Variants in SVIL observed in about 807,000 individuals in gnomAD.
SVIL encodes supervillin.
SVIL carries 101 observed loss-of-function variants against 240.4 expected under a neutral mutation model. The ratio of observed to expected loss-of-function variants is 0.42; its 90% CI spans 0.36 to 0.50. SVIL has a LOEUF of 0.50. Ranked by LOEUF, SVIL falls within the 20% of genes least tolerant of loss-of-function variation. The probability of loss-of-function intolerance (pLI) is 0.01; values close to 1 mark genes in which losing one functional copy is unlikely to be tolerated. For synonymous variants in SVIL, 999 were observed against 1,100.0 expected (o/e 0.91, Z 1.82); for missense variants, 2,512 against 2,818.7 (o/e 0.89, Z 2.46).
At chr10:29,565,458 T>C (rs7096391) in intron 2 of SVIL, among the ~76,000 whole-genome samples, 65,757 of 152,038 alleles carry the variant, frequency 0.43, 14,310 homozygotes, top group African/African-American at 0.47. Flanking sequence ...TTAACGTGGT[T>C]CACTTGACAT....
chr10:29,604,523 A>G (rs1187202686), intron 1 of SVIL, among the ~76,000 whole-genome samples: 2 of 150,706 alleles, frequency 1.3e-5, no homozygotes, highest in African/African-American at 2.4e-5. Context: ...GCGCCTGGCC[A>G]TATTGTTGAT....
chr10:29,697,614 G>A lies in SVIL; in HGVS notation c.-399-10963C>T. Among the ~76,000 whole-genome samples, 2 of 125,116 alleles carry A rather than the reference G, an allele frequency of 1.6e-5. 1 individual carries two copies. The allele number at this position is 125,116 out of a possible 152,430, so 82.1% of individuals were successfully genotyped here. ...GTGCTTTGTTAAACAGATGCTTGAA[G>A]GCAGCAGGCTCCTTAAGAGTCATCA... On this transcript the variant is annotated intron_variant, in intron 1 of 35. Coordinates refer to the SVIL transcript ENST00000375400.
intron 1 of SVIL, among the ~76,000 whole-genome samples, chr10:29,621,191 G>A (rs1047919060): frequency 6.6e-6 from 1 of 152,142 alleles, no homozygotes; most frequent in African/African-American, 2.4e-5. Context: ...CACTCAAATT[G>A]TAGTTGAAAA....
At chr10:29,622,988 C>G (rs565409560) in intron 1 of SVIL, among the ~76,000 whole-genome samples, 2 of 152,218 alleles carry the variant, frequency 1.3e-5, no homozygotes, top group African/African-American at 2.4e-5. Flanking sequence ...ACACAAAGAA[C>G]CTACAAAACT....
At chr10:29,529,002 C>T (rs1319470211) in intron 12 of SVIL, among the ~76,000 whole-genome samples, 5 of 151,226 alleles carry the variant, frequency 3.3e-5, no homozygotes, top group Admixed American at 3.3e-4. Flanking sequence ...ATGGTGAAAC[C>T]CCGTCTCTAC....
chr10:29,503,179 T>C (rs962014390), intron 17 of SVIL, among the ~76,000 whole-genome samples: 12 of 152,230 alleles, frequency 7.9e-5, no homozygotes, highest in Non-Finnish European at 2.9e-5. Flanking sequence ...CTACACACTA[T>C]GAAAGAAATT....
upstream of SVIL, among the ~76,000 whole-genome samples, chr10:29,736,464 G>A (rs1564375704): frequency 1.3e-5 from 2 of 151,548 alleles, no homozygotes; most frequent in Admixed American, 6.6e-5. Flanking sequence ...GGCCAGGGCC[G>A]CCCTATCGCT....
chr10:29,730,237 A>G (rs763088712), intron 1 of SVIL, among the ~76,000 whole-genome samples: 2 of 152,236 alleles, frequency 1.3e-5, no homozygotes, highest in Non-Finnish European at 2.9e-5. Context: ...GTGCAAAGAA[A>G]TGTACTAAGG....
At chr10:29,626,591 G>C (rs758978242) in intron 1 of SVIL, among the ~76,000 whole-genome samples, 1 of 151,992 alleles carries the variant, frequency 6.6e-6, no homozygotes, top group East Asian at 1.9e-4. Flanking sequence ...ACCACTTTGG[G>C]GTTTCACATC....
intron 1 of SVIL, chr10:29,575,965 A>T (rs1468406803): frequency 3.5e-6 from 1 of 284,232 alleles, no homozygotes; most frequent in African/African-American, 2.3e-5. Flanking sequence ...CAGTGCTAGG[A>T]TATGTTTTGA....
intron 1 of SVIL, among the ~76,000 whole-genome samples, chr10:29,622,908 T>C (rs1420984267): frequency 2.0e-5 from 3 of 152,178 alleles, no homozygotes; most frequent in African/African-American, 7.2e-5. Context: ...TTAGTGATGC[T>C]GAGATTGCAC....
chr10:29,578,411 G>A (rs1005975106), intron 1 of SVIL, among the ~76,000 whole-genome samples: 3 of 152,144 alleles, frequency 2.0e-5, no homozygotes, highest in Non-Finnish European at 4.4e-5. Context: ...GGCGCCTATG[G>A]CTCAAAATCA....
At chr10:29,504,130 G>T (rs1179446437) in intron 17 of SVIL, among the ~76,000 whole-genome samples, 1 of 152,084 alleles carries the variant, frequency 6.6e-6, no homozygotes, top group African/African-American at 2.4e-5. Flanking sequence ...GCTGGAATAA[G>T]TGGACACTCA....
intron 3 of SVIL, among the ~76,000 whole-genome samples, chr10:29,556,392 C>A (rs1476033574): frequency 1.3e-5 from 2 of 152,098 alleles, no homozygotes; most frequent in South Asian, 2.1e-4. Context: ...TTTCCATTTT[C>A]TTTTCTCTAA....
intron 2 of SVIL, among the ~76,000 whole-genome samples, chr10:29,680,276 C>T (rs538483003): frequency 7.1e-4 from 108 of 152,320 alleles, no homozygotes; most frequent in African/African-American, 2.5e-3. Context: ...CCACTCTCCC[C>T]GTCCCACCAG....
chr10:29,576,110 G>A lies in SVIL; in HGVS notation c.-200-6798C>T, dbSNP rs143058219. On this transcript the variant is annotated intron_variant, in intron 1 of 37. Transcript: ENST00000355867. ...ATCTGGTACCTGACTTTTCTCTCCC[G>A]AATACGTTTGGCTTCATTTTCGTTA... 713 of 985,144 alleles carry A rather than the reference G, an allele frequency of 7.2e-4. 8 individuals carry two copies. The African/African-American group carries it at 0.011, about 15-fold the overall frequency. The allele number at this position is 985,144 out of a possible 1,614,324, so 61.0% of individuals were successfully genotyped here.
intron 36 of SVIL, among the ~76,000 whole-genome samples, chr10:29,459,740 GCA>G (rs1944012923): frequency 6.6e-6 from 1 of 152,192 alleles, no homozygotes; most frequent in African/African-American, 2.4e-5. Context: ...TGGTGGGAAT[GCA>G]TGACTAAGAG....
In SVIL at chr10:29,634,885, C is replaced by T. The variant is rs190062527; in HGVS notation, c.-666G>A. ...GTCCTCGAGGCTGAACTTCCCCAAC[C>T]TGGCCTCGGTGGAGCCATCCATTAC... is the stretch of plus-strand genomic sequence containing the variant. On this transcript the variant is annotated 5_prime_UTR_variant, in exon 1 of 38. Coordinates refer to ENST00000355867, the MANE Select transcript of SVIL (RefSeq NM_021738.3). The T allele has an allele frequency of 1.1e-4, 17 of 152,260 alleles. No homozygotes were observed. The East Asian group carries it at 2.9e-3, about 26-fold the overall frequency. 9.4% of individuals were successfully genotyped at this position (152,260 alleles called of 1,614,324 possible). A position where few individuals can be genotyped will look rare whatever the true frequency, so the allele number is the denominator to read the frequency against.
chr10:29,524,695 T>C lies in SVIL; in HGVS notation c.2363A>G (p.Gln788Arg). 2 of 1,614,206 alleles carry C rather than the reference T, an allele frequency of 1.2e-6. No individual in the cohort carries two copies. Among genetic ancestry groups the C allele is most frequent in the Non-Finnish European group, 1.7e-6 (2 of 1,180,034 alleles). ...QPARLQASAH[Q>R]KALAKDQTNE... is the part of the protein sequence containing the mutation. ...TGTCTGGTCCTTGGCTAAGGCCTTTTGGTGAGCAGAGGCCTGCAATCTGAA... is the reference window on the plus strand; with the variant it reads ...TGTCTGGTCCTTGGCTAAGGCCTTTCGGTGAGCAGAGGCCTGCAATCTGAA... The change falls in exon 14 of 38, where the codon CAA (glutamine) becomes CGA (arginine). Residue 788 changes from glutamine to arginine, a missense_variant. Gln to Arg is a conservative substitution (Grantham distance 43). Coordinates refer to ENST00000355867, the MANE Select transcript of SVIL (RefSeq NM_021738.3).
Sources: allele counts gnomAD v4.1 joint callset (sites outside exome capture counted in the v4.1 genomes callset), GRCh38; gene constraint gnomAD v4.1.1; transcripts MANE v1.5; gene names NCBI Gene and HGNC (gene_info 2026-07-23, HGNC 2026-07-21).